The following TIPIN variants were observed in gnomAD, a reference collection of about 807,000 sequenced individuals.
TIPIN encodes TIMELESS-interacting protein.
Under a neutral mutation model 35.6 loss-of-function variants are expected in TIPIN, and 29 were observed. That is an observed-to-expected ratio of 0.82 (90% CI 0.61 to 1.11). The LOEUF is 1.11. Among genes scored for constraint, TIPIN ranks in the 50% most tolerant of loss-of-function variants. TIPIN has a pLI of 0.00. For missense variants in TIPIN, 296 were observed against 345.4 expected (o/e 0.86, Z 1.13); for synonymous variants, 102 against 121.5 (o/e 0.84, Z 1.06).
chr15:66,343,659 A>G (rs2093103419), intron 6 of TIPIN, among the ~76,000 whole-genome samples: 1 of 152,190 alleles, frequency 6.6e-6, no homozygotes, highest in Non-Finnish European at 1.5e-5. Flanking sequence ...TACTGATAAG[A>G]GTATATGTAT....
chr15:66,342,486 C>T (rs1320722950), intron 6 of TIPIN, among the ~76,000 whole-genome samples: 3 of 152,118 alleles, frequency 2.0e-5, no homozygotes, highest in Non-Finnish European at 4.4e-5. Flanking sequence ...CCATCAGCCT[C>T]CCGAGAAGCT....
At chr15:66,366,709 G>T in intron 1 of TIPIN, 1 of 570,924 alleles carries the variant, frequency 1.8e-6, no homozygotes, top group Non-Finnish European at 2.2e-6. Context: ...GGAGGTTGCA[G>T]TCAGCTGAGA....
chr15:66,346,257 CTTTT>C (rs536484516), intron 6 of TIPIN, among the ~76,000 whole-genome samples: 10 of 131,044 alleles, frequency 7.6e-5, no homozygotes, highest in Admixed American at 1.6e-4. Context: ...CTTAATTTAT[CTTTT>C]TTTTTTTTTT....
chr15:66,377,870 G>A (rs570574594), intron 1 of TIPIN, among the ~76,000 whole-genome samples: 4 of 151,476 alleles, frequency 2.6e-5, no homozygotes, highest in East Asian at 2.0e-4. Flanking sequence ...TTCTTGAGAC[G>A]GAGTCTCGCT....
In TIPIN at chr15:66,356,145, C is replaced by G. The variant is rs62627263; in HGVS notation, c.-9+494G>C. On this transcript the variant is annotated intron_variant, in intron 1 of 7. Coordinates refer to ENST00000261881, the MANE Select transcript of TIPIN (RefSeq NM_017858.3). Reference sequence around the variant, plus strand: ...AGACCCTGGTTTCCAATGCCCACCTCTTTTCCAAGAAGTCCAAAGAGACGC... The same window carrying G: ...AGACCCTGGTTTCCAATGCCCACCTGTTTTCCAAGAAGTCCAAAGAGACGC... Among the ~76,000 whole-genome samples the G allele has an allele frequency of 2.7e-3, 418 of 152,190 alleles. 4 individuals are homozygous for G. The highest frequency in any genetic ancestry group is 9.9e-3 in the African/African-American group (410 of 41,522).
At chr15:66,337,468 C>G (rs1229224551) in intron 7 of TIPIN, among the ~76,000 whole-genome samples, 1 of 151,286 alleles carries the variant, frequency 6.6e-6, no homozygotes. Context: ...ATTACAGGTA[C>G]CCGCCACTAC....
chr15:66,380,078 T>G, intron 1 of TIPIN: 1 of 383,070 alleles, frequency 2.6e-6, no homozygotes, highest in Non-Finnish European at 4.7e-6. Flanking sequence ...CTGGGCTCAC[T>G]GCAACCTCCG....
intron 1 of TIPIN, among the ~76,000 whole-genome samples, chr15:66,362,791 A>C (rs554837026): frequency 1.4e-4 from 22 of 152,330 alleles, no homozygotes; most frequent in African/African-American, 5.0e-4. Context: ...ACCATGAACT[A>C]TCTCAATCCC....
intron 1 of TIPIN, among the ~76,000 whole-genome samples, chr15:66,380,488 T>C (rs2093314913): frequency 6.6e-6 from 1 of 152,146 alleles, no homozygotes; most frequent in South Asian, 2.1e-4. Context: ...GGTGTTGATA[T>C]AGACGTTACG....
intron 3 of TIPIN, 114 bp from the exon 4 acceptor site, chr15:66,351,714 T>A: frequency 3.6e-6 from 3 of 827,400 alleles, no homozygotes; most frequent in Non-Finnish European, 5.6e-6. Flanking sequence ...CTCGGGTCAC[T>A]GCAAGCTCGG....
intron 1 of TIPIN, among the ~76,000 whole-genome samples, chr15:66,375,566 C>T (rs921659401): frequency 2.7e-5 from 4 of 147,622 alleles, no homozygotes; most frequent in African/African-American, 4.9e-5. Context: ...CAGCTGGGCG[C>T]GGTGGCTTAT....
In TIPIN at chr15:66,380,999, C is replaced by G. The variant is rs368191194; in HGVS notation, c.-9+5608G>C. Among the ~76,000 whole-genome samples, 13 of 151,910 alleles carry G rather than the reference C, an allele frequency of 8.6e-5. No homozygotes were observed. In the South Asian group the frequency reaches 1.0e-3, roughly 12 times the overall value. ...AATATTTAGGTAATTTCAGATTTTA[C>G]CTATTTAAATAATACTATGTTGATC... is the stretch of plus-strand genomic sequence containing the variant. On this transcript the variant is annotated intron_variant, in intron 1 of 7. Transcript: ENST00000562124.
intron 1 of TIPIN, among the ~76,000 whole-genome samples, chr15:66,369,353 CTTTTTTTTT>C (rs59189335): frequency 1.7e-5 from 2 of 118,610 alleles, no homozygotes; most frequent in Non-Finnish European, 3.3e-5. Flanking sequence ...TTCACAATAT[CTTTTTTTTT>C]TTTTTTTTTT....
Position 66,352,831 on chromosome 15 carries a change from T to A in TIPIN, c.117A>T (p.Gly39=), listed in dbSNP as rs759361584. 22 of 1,612,620 alleles carry A rather than the reference T, an allele frequency of 1.4e-5. No homozygotes were observed. The highest frequency in any genetic ancestry group is 1.7e-5 in the Non-Finnish European group (20 of 1,179,840). The change falls in exon 2 of 8, where the codon GGA becomes GGT. Residue 39 remains glycine (G), a synonymous_variant. Transcript: ENST00000261881. ...TATACATACCTTCATCAGGCTCAGT[T>A]CCTTCACCATCTTGTCTCTCTGGAG... ...PASPERQDGE[G]TEPDEESGNG...
chr15:66,386,668 T>A, exon 1 of TIPIN: 1 of 178,984 alleles, frequency 5.6e-6, no homozygotes. Context: ...GACACAGACT[T>A]CTTCTCAGCT....
chr15:66,361,312 G>C (rs2093230068), upstream of TIPIN, among the ~76,000 whole-genome samples: 2 of 146,302 alleles, frequency 1.4e-5, no homozygotes, highest in South Asian at 4.3e-4. Flanking sequence ...CTAGAGTACA[G>C]TGGCACGATC....
chr15:66,354,867 T>C (rs1308141793), intron 1 of TIPIN, among the ~76,000 whole-genome samples: 1 of 152,184 alleles, frequency 6.6e-6, no homozygotes. Flanking sequence ...ACAAGTGTCA[T>C]GGCACTTATC....
chr15:66,371,438 G>C (rs747263872), intron 1 of TIPIN: 24 of 938,714 alleles, frequency 2.6e-5, no homozygotes, highest in Non-Finnish European at 3.0e-5. Flanking sequence ...AAATATATTT[G>C]GGTCAGTCTG....
At chr15:66,346,033 G>A (rs947274814) in intron 6 of TIPIN, among the ~76,000 whole-genome samples, 2 of 151,114 alleles carry the variant, frequency 1.3e-5, no homozygotes, top group Non-Finnish European at 1.5e-5. Flanking sequence ...TGCAACCTCC[G>A]CCTTCCGGGT....
Sources: allele counts gnomAD v4.1 joint callset (sites outside exome capture counted in the v4.1 genomes callset), GRCh38; gene constraint gnomAD v4.1.1; transcripts MANE v1.5; gene names NCBI Gene and HGNC (gene_info 2026-07-23, HGNC 2026-07-21).